ANKRD30BL: variants seen among roughly 807,000 people sequenced by gnomAD.
ANKRD30BL encodes ankyrin repeat domain 30B like.
In ANKRD30BL, 20 loss-of-function variants were observed where a neutral mutation model predicts 18.4. The observed-to-expected ratio is 1.09, with a 90% CI of 0.77 to 1.58. The LOEUF is 1.58. Among genes scored for constraint, ANKRD30BL ranks in the 40% most tolerant of loss-of-function variants. The probability of loss-of-function intolerance (pLI) is 0.00; values close to 1 mark genes in which losing one functional copy is unlikely to be tolerated. For missense variants in ANKRD30BL, 224 were observed against 268.6 expected (o/e 0.83, Z 1.16); for synonymous variants, 72 against 100.9 (o/e 0.71, Z 1.72).
chr2:132,243,824 C>T (rs1249871412), intron 1 of ANKRD30BL, among the ~76,000 whole-genome samples: 1 of 152,234 alleles, frequency 6.6e-6, no homozygotes, highest in African/African-American at 2.4e-5. Flanking sequence ...TTACATTGAG[C>T]AGTTTTGAAA....
chr2:132,180,730 C>T (rs1402720656), intron 1 of ANKRD30BL, among the ~76,000 whole-genome samples: 15 of 151,954 alleles, frequency 9.9e-5, no homozygotes, highest in South Asian at 2.1e-4. Flanking sequence ...TTTCTATTAA[C>T]GATTATGATA....
intron 1 of ANKRD30BL, among the ~76,000 whole-genome samples, chr2:132,213,286 A>T (rs113851123): frequency 4.6e-5 from 7 of 151,936 alleles, no homozygotes; most frequent in Non-Finnish European, 8.8e-5. Flanking sequence ...TTTGAGGCCT[A>T]TGGTGGAAAA....
chr2:132,225,985 G>A (rs1679834023), intron 1 of ANKRD30BL, among the ~76,000 whole-genome samples: 1 of 151,958 alleles, frequency 6.6e-6, no homozygotes, highest in Non-Finnish European at 1.5e-5. Flanking sequence ...AGCCCTTTGA[G>A]GCCTATGTTG....
chr2:132,235,635 T>C (rs1374562857), intron 1 of ANKRD30BL, among the ~76,000 whole-genome samples: 5 of 152,102 alleles, frequency 3.3e-5, no homozygotes, highest in Non-Finnish European at 1.5e-5. Context: ...TTACAAGGGA[T>C]GTGAAGGAAC....
At chr2:132,254,195 CT>C (rs201308680) in intron 1 of ANKRD30BL, among the ~76,000 whole-genome samples, 4 of 151,948 alleles carry the variant, frequency 2.6e-5, no homozygotes, top group East Asian at 3.9e-4. Flanking sequence ...TTTCTACCCC[CT>C]CTCTCCCTCC....
intron 1 of ANKRD30BL, among the ~76,000 whole-genome samples, chr2:132,212,131 C>T (rs1414072235): frequency 6.6e-6 from 1 of 151,802 alleles, no homozygotes; most frequent in Non-Finnish European, 1.5e-5. Flanking sequence ...GTGATGTGTG[C>T]ATTCATCTCA....
intron 1 of ANKRD30BL, chr2:132,257,164 T>C (rs1329909258): frequency 6.7e-6 from 3 of 446,248 alleles, no homozygotes; most frequent in Admixed American, 2.4e-5. Context: ...CAGGGCCACG[T>C]TGCTCGTTTC....
At chr2:132,201,376 A>C (rs1406599607) in intron 1 of ANKRD30BL, among the ~76,000 whole-genome samples, 5 of 152,170 alleles carry the variant, frequency 3.3e-5, no homozygotes, top group East Asian at 3.8e-4. Flanking sequence ...AAATGGGAGA[A>C]AATTTTCGCA....
intron 1 of ANKRD30BL, among the ~76,000 whole-genome samples, chr2:132,233,625 A>G (rs1352403096): frequency 6.6e-6 from 1 of 151,378 alleles, no homozygotes; most frequent in East Asian, 1.9e-4. Context: ...CAATTCAACA[A>G]GAAGAGCTAA....
intron 3 of ANKRD30BL, 90 bp from the exon 4 acceptor site, chr2:132,154,858 A>G: frequency 1.9e-6 from 1 of 535,640 alleles, no homozygotes; most frequent in Non-Finnish European, 3.4e-6. Context: ...ATGAACTTAA[A>G]CAATGGAAAG....
intron 1 of ANKRD30BL, among the ~76,000 whole-genome samples, chr2:132,234,984 C>T (rs552465116): frequency 2.6e-5 from 4 of 152,106 alleles, no homozygotes; most frequent in African/African-American, 4.8e-5. Context: ...AAAGCTTATC[C>T]ACCATGATCA....
rs1212700697 is a variant in ANKRD30BL at position 132,157,030 on chromosome 2, A to C, written c.450T>G (p.Asn150Lys). 2.2e-6 allele frequency: 3 copies of C among 1,377,484 alleles called. No homozygotes were observed. In the African/African-American group the frequency reaches 4.4e-5, roughly 20 times the overall value. The allele number at this position is 1,377,484 out of a possible 1,614,324, so 85.3% of individuals were successfully genotyped here. Residue 150 changes from asparagine to lysine, a missense_variant, in exon 3 of 6, where the codon AAT becomes AAG. By Grantham distance (94) the Asn-to-Lys change is moderately conservative. Transcript: ENST00000409867. ...TAVHYAVNSE[N>K]LSVVAKLLSC... is the part of the protein sequence containing the mutation. ...ACAGCAATTTTGCCACCACTGACAA[A>C]TTCTCACTGTTAACAGCATAATGGA...
intron 1 of ANKRD30BL, among the ~76,000 whole-genome samples, chr2:132,226,520 A>G (rs946452362): frequency 6.6e-6 from 1 of 152,014 alleles, no homozygotes; most frequent in African/African-American, 2.4e-5. Context: ...AAAAGGAAAT[A>G]TCTTCACATA....
intron 1 of ANKRD30BL, among the ~76,000 whole-genome samples, chr2:132,233,444 T>A (rs1245760638): frequency 1.4e-5 from 2 of 140,342 alleles, no homozygotes; most frequent in East Asian, 4.2e-4. Context: ...GAAACCCATC[T>A]CATGTGCAGA....
chr2:132,187,188 GTTTTTTTTTTT>G (rs1193358076), intron 1 of ANKRD30BL, among the ~76,000 whole-genome samples: 57 of 90,632 alleles, frequency 6.3e-4, no homozygotes, highest in Non-Finnish European at 1.0e-3. Flanking sequence ...TTTTTTGTTT[GTTTTTTTTTTT>G]TTTTTTTTTT....
chr2:132,176,490 A>T (rs1473572847), intron 1 of ANKRD30BL, among the ~76,000 whole-genome samples: 1 of 152,190 alleles, frequency 6.6e-6, no homozygotes, highest in Non-Finnish European at 1.5e-5. Context: ...ACATGCCTGC[A>T]ATCCCAACTA....
At chr2:132,177,876 T>G (rs1161998116) in intron 1 of ANKRD30BL, among the ~76,000 whole-genome samples, 2 of 152,206 alleles carry the variant, frequency 1.3e-5, no homozygotes, top group Non-Finnish European at 2.9e-5. Context: ...ATGGGAATTT[T>G]TTTGTTTGTT....
At chr2:132,233,302 A>G (rs1199939749) in intron 1 of ANKRD30BL, among the ~76,000 whole-genome samples, 1 of 150,602 alleles carries the variant, frequency 6.6e-6, no homozygotes, top group African/African-American at 2.4e-5. Context: ...ACCAGCTAAC[A>G]TCATAATGAC....
chr2:132,220,810 T>C (rs1304988297), intron 1 of ANKRD30BL, among the ~76,000 whole-genome samples: 17 of 151,340 alleles, frequency 1.1e-4, no homozygotes, highest in Admixed American at 1.1e-3. Flanking sequence ...GAGGAGCGTC[T>C]CTGCCTGGCC....
Sources: allele counts gnomAD v4.1 joint callset (sites outside exome capture counted in the v4.1 genomes callset), GRCh38; gene constraint gnomAD v4.1.1; transcripts MANE v1.5; gene names NCBI Gene and HGNC (gene_info 2026-07-23, HGNC 2026-07-21).